Variants in ECHDC1 observed in about 807,000 individuals in gnomAD.
ECHDC1 encodes the protein ethylmalonyl-CoA decarboxylase 1.
In ECHDC1, 29 loss-of-function variants were observed where a neutral mutation model predicts 29.7. That is an observed-to-expected ratio of 0.98 (90% confidence interval 0.73 to 1.33). The LOEUF is 1.33. Among genes scored for constraint, ECHDC1 ranks in the 40% most tolerant of loss-of-function variants. The probability of loss-of-function intolerance (pLI) is 0.00; values close to 1 mark genes in which losing one functional copy is unlikely to be tolerated. For missense variants in ECHDC1, 328 were observed against 350.0 expected, an observed-to-expected ratio of 0.94 and a Z score of 0.50; for synonymous variants, 126 against 123.1, an observed-to-expected ratio of 1.02 and a Z score of -0.15.
At chr6:127,327,523 T>A (rs537893949) in intron 2 of ECHDC1, among the ~76,000 whole-genome samples, 2 of 152,298 alleles carry the variant, frequency 1.3e-5, no homozygotes, top group African/African-American at 4.8e-5. Flanking sequence ...GCAATACATG[T>A]CTCAGTCAAT....
intron 3 of ECHDC1, among the ~76,000 whole-genome samples, chr6:127,319,141 G>C (rs1201761519): frequency 6.6e-6 from 1 of 152,062 alleles, no homozygotes; most frequent in African/African-American, 2.4e-5. Flanking sequence ...AAGACAAAAG[G>C]CACGCTAAAA....
At chr6:127,343,154 G>T (rs1259266228) in intron 1 of ECHDC1, 182 bp downstream of exon 1, 2 of 152,130 alleles carry the variant, frequency 1.3e-5, no homozygotes, top group Non-Finnish European at 2.9e-5. Context: ...GCGTCTCCAC[G>T]TCCAGCGCGG....
intron 1 of ECHDC1, among the ~76,000 whole-genome samples, chr6:127,340,503 A>G (rs1236057087): frequency 2.0e-5 from 3 of 152,214 alleles, no homozygotes; most frequent in Non-Finnish European, 2.9e-5. Context: ...GTCTAGGGAA[A>G]ATAAGCTGTC....
At chr6:127,340,611 G>A (rs894018665) in intron 1 of ECHDC1, among the ~76,000 whole-genome samples, 5 of 152,168 alleles carry the variant, frequency 3.3e-5, no homozygotes, top group South Asian at 4.1e-4. Flanking sequence ...AGAATATGCC[G>A]TTAATCAGGT....
At chr6:127,291,754 C>CA (rs1409992697) in intron 5 of ECHDC1, among the ~76,000 whole-genome samples, 1 of 152,090 alleles carries the variant, frequency 6.6e-6, no homozygotes, top group Non-Finnish European at 1.5e-5. Flanking sequence ...ACAAAAAACT[C>CA]AGTCTTTGAC....
At position 127,314,718 on chromosome 6, in the gene ECHDC1, C is replaced by A. The variant is rs1385901607; in HGVS notation, c.497+98G>T. The A allele has an allele frequency of 7.2e-6, 6 of 836,468 alleles. No individual in the cohort carries two copies. The East Asian group carries it at 1.6e-4, about 23-fold the overall frequency. The allele number at this position is 836,468 out of a possible 1,614,324, so 51.8% of individuals were successfully genotyped here. A position where few individuals can be genotyped will look rare whatever the true frequency, so the allele number is the denominator to read the frequency against. On this transcript the variant is annotated intron_variant, in intron 5 of 5. Coordinates refer to ENST00000454859, the MANE Select transcript of ECHDC1 (RefSeq NM_001002030.2). ...CATTCAGAAAAGAAAATAGGTTTATCCTATTTAAGAATATATAAAATATTG... is the reference window on the plus strand; with the variant it reads ...CATTCAGAAAAGAAAATAGGTTTATACTATTTAAGAATATATAAAATATTG...
intron 2 of ECHDC1, among the ~76,000 whole-genome samples, chr6:127,329,354 T>C (rs1188557498): frequency 4.1e-5 from 5 of 122,040 alleles, no homozygotes; most frequent in African/African-American, 1.5e-4. Context: ...TAGTTTTATA[T>C]ATTATGCATC....
At chr6:127,304,587 T>TA (rs1562311134) in intron 5 of ECHDC1, among the ~76,000 whole-genome samples, 1 of 152,146 alleles carries the variant, frequency 6.6e-6, no homozygotes, top group Non-Finnish European at 1.5e-5. Flanking sequence ...GAAAAAGAGA[T>TA]ACGTGACTTT....
intron 1 of ECHDC1, 113 bp downstream of exon 1, chr6:127,343,222 CT>C (rs1785119274): frequency 6.6e-6 from 1 of 152,234 alleles, no homozygotes; most frequent in Non-Finnish European, 1.5e-5. Context: ...GGCTCGCCGT[CT>C]GGGACACGTT....
chr6:127,340,050 A>C (rs1342677864), intron 1 of ECHDC1, among the ~76,000 whole-genome samples: 1 of 152,242 alleles, frequency 6.6e-6, no homozygotes, highest in African/African-American at 2.4e-5. Context: ...TATATGCAAC[A>C]TAATCTCTAT....
At chr6:127,319,325 A>AT (rs929498862) in intron 3 of ECHDC1, among the ~76,000 whole-genome samples, 9 of 152,306 alleles carry the variant, frequency 5.9e-5, no homozygotes, top group Non-Finnish European at 1.3e-4. Flanking sequence ...AGTAGTATAT[A>AT]TTTTATTAAG....
At chr6:127,303,580 G>C (rs777216588) in intron 5 of ECHDC1, among the ~76,000 whole-genome samples, 1 of 152,198 alleles carries the variant, frequency 6.6e-6, no homozygotes, top group African/African-American at 2.4e-5. Flanking sequence ...GACGCCAGCA[G>C]AGGTTGGTTT....
chr6:127,316,466 A>C lies in ECHDC1; in HGVS notation c.400T>G (p.Leu134Val). Residue 134 changes from leucine (L) to valine (V), a missense_variant, in exon 4 of 6, where the codon TTA (leucine) becomes GTA (valine). Coordinates refer to ENST00000454859, the MANE Select transcript of ECHDC1 (RefSeq NM_001002030.2). ...CTGCATTACCTCATAAATCTTGTTA[A>C]GGTGTTTTGCATGAACATGCATACG... ...MAVCMFMQNT[L>V]TRFMRLPLIS... 6.2e-7 allele frequency: 1 copy of C among 1,606,636 alleles called. No homozygotes were observed. The highest frequency in any genetic ancestry group is 8.5e-7 in the Non-Finnish European group (1 of 1,176,944).
intron 2 of ECHDC1, among the ~76,000 whole-genome samples, chr6:127,328,790 G>T (rs903325028): frequency 6.6e-6 from 1 of 152,162 alleles, no homozygotes; most frequent in Admixed American, 6.5e-5. Context: ...ACTTTGGGAG[G>T]CCAAGGCGGG....
chr6:127,338,427 CT>C (rs199762149), intron 1 of ECHDC1, among the ~76,000 whole-genome samples: 3 of 149,784 alleles, frequency 2.0e-5, no homozygotes, highest in Admixed American at 6.7e-5. Flanking sequence ...AAAAGGATAT[CT>C]TTTTTTTTTC....
rs1667326372 is a variant in ECHDC1 at position 127,289,231 on chromosome 6, G to A, written c.*638C>T. 6.6e-6 allele frequency: 1 copy of A among 152,032 alleles called. No homozygotes were observed. The highest frequency in any genetic ancestry group is 2.4e-5 in the African/African-American group (1 of 41,400). The allele number at this position is 152,032 out of a possible 1,614,324, so 9.4% of individuals were successfully genotyped here. A position where few individuals can be genotyped will look rare whatever the true frequency, so the allele number is the denominator to read the frequency against. ...AGGGCACACAAATGAATGTCCAATT[G>A]TAGAATCAGTTGACTTTCCATGTCA... On this transcript the variant is annotated 3_prime_UTR_variant, in exon 6 of 6. Coordinates refer to ENST00000454859, the MANE Select transcript of ECHDC1 (RefSeq NM_001002030.2).
intron 1 of ECHDC1, among the ~76,000 whole-genome samples, chr6:127,337,009 C>T (rs1181263283): frequency 6.6e-6 from 1 of 152,186 alleles, no homozygotes; most frequent in Non-Finnish European, 1.5e-5. Context: ...CAAATTCCCA[C>T]CTAAGGGGTC....
At chr6:127,334,380 T>C (rs944669447) in intron 1 of ECHDC1, among the ~76,000 whole-genome samples, 2 of 152,142 alleles carry the variant, frequency 1.3e-5, no homozygotes, top group African/African-American at 2.4e-5. Flanking sequence ...CCCTCCAAAA[T>C]GGTTACTTCC....
Position 127,327,162 on chromosome 6 carries a change from G to A in ECHDC1, c.221-18C>T. On this transcript the variant is annotated intron_variant, in intron 2 of 5. Transcript: ENST00000454859. ...CATAACACCTGCCAGAGATGGAAGTGGGAAATCACAAATATATGAAGGTGA... is the reference window on the plus strand; with the variant it reads ...CATAACACCTGCCAGAGATGGAAGTAGGAAATCACAAATATATGAAGGTGA... The A allele has an allele frequency of 2.5e-6, 4 of 1,607,930 alleles. No individual in the cohort carries two copies. The highest frequency in any genetic ancestry group is 1.7e-5 in the Admixed American group (1 of 59,068).
Sources: allele counts gnomAD v4.1 joint callset (sites outside exome capture counted in the v4.1 genomes callset), GRCh38; gene constraint gnomAD v4.1.1; transcripts MANE v1.5; gene names NCBI Gene and HGNC (gene_info 2026-07-23, HGNC 2026-07-21).